Variants in CMKLR2 observed in about 807,000 individuals in gnomAD.
CMKLR2 encodes the protein chemerin-like receptor 2.
A neutral mutation model predicts 23.0 loss-of-function variants in CMKLR2; 18 were observed. That is an observed-to-expected ratio of 0.78 (90% CI 0.54 to 1.16). The LOEUF is 1.16. Among genes scored for constraint, CMKLR2 ranks in the 50% most tolerant of loss-of-function variants. CMKLR2 has a pLI of 0.00. For missense variants in CMKLR2, 401 were observed against 412.7 expected, an observed-to-expected ratio of 0.97 and a Z score of 0.25; for synonymous variants, 158 against 158.9, an observed-to-expected ratio of 0.99 and a Z score of 0.05.
chr2:206,209,297 C>A (rs1024800974), intron 1 of CMKLR2, among the ~76,000 whole-genome samples: 3 of 151,744 alleles, frequency 2.0e-5, no homozygotes, highest in African/African-American at 7.3e-5. Context: ...GAGATCGCAG[C>A]CACTGCACTT....
intron 1 of CMKLR2, among the ~76,000 whole-genome samples, chr2:206,188,291 A>G (rs2105811348): frequency 6.6e-6 from 1 of 152,306 alleles, no homozygotes; most frequent in East Asian, 1.9e-4. Flanking sequence ...ACGCAGGATC[A>G]AGTGGTCTTG....
chr2:206,185,686 G>C (rs1266347954), intron 1 of CMKLR2, among the ~76,000 whole-genome samples: 1 of 152,212 alleles, frequency 6.6e-6, no homozygotes, highest in Non-Finnish European at 1.5e-5. Flanking sequence ...GGGCAGACCA[G>C]ATAGAAAATT....
chr2:206,210,243 CCT>C (rs2105843040), intron 1 of CMKLR2, among the ~76,000 whole-genome samples: 1 of 152,114 alleles, frequency 6.6e-6, no homozygotes, highest in East Asian at 1.9e-4. Flanking sequence ...CATGCCTGGC[CCT>C]GTGTTTCGTT....
rs1053337525 is a variant in CMKLR2, at chr2:206,207,820, G to A, written c.-29+5487C>T. ...TACAATGGCGTGTTCTCGGCTCACC[G>A]CAACCTCTGGCTCCTGGGTTCCAGC... is the stretch of plus-strand genomic sequence containing the variant. On this transcript the variant is annotated intron_variant, in intron 1 of 1. Transcript: ENST00000621141. Among the ~76,000 whole-genome samples the A allele has an allele frequency of 4.8e-4, 66 of 136,350 alleles. 1 individual carries two copies. Among genetic ancestry groups the A allele is most frequent in the African/African-American group, 1.4e-3 (50 of 36,080 alleles). 89.5% of individuals were successfully genotyped at this position (136,350 alleles called of 152,430 possible).
chr2:206,209,966 C>A (rs1158814768), intron 1 of CMKLR2, among the ~76,000 whole-genome samples: 1 of 133,320 alleles, frequency 7.5e-6, no homozygotes, highest in Non-Finnish European at 1.6e-5. Flanking sequence ...TCTTTTCTTT[C>A]TTTTTTTTTT....
chr2:206,209,047 C>G (rs754439565), intron 1 of CMKLR2, among the ~76,000 whole-genome samples: 5 of 152,050 alleles, frequency 3.3e-5, no homozygotes, highest in Non-Finnish European at 5.9e-5. Context: ...CAAAAATGGT[C>G]AAGGTCACAG....
At chr2:206,216,817 G>A (rs1689768951), upstream of CMKLR2, among the ~76,000 whole-genome samples, 1 of 152,188 alleles carries the variant, frequency 6.6e-6, no homozygotes, top group South Asian at 2.1e-4. Context: ...CTTTAATAGT[G>A]AGAAAGGTTT....
intron 1 of CMKLR2, among the ~76,000 whole-genome samples, chr2:206,195,493 A>T (rs1028117695): frequency 6.6e-6 from 1 of 152,180 alleles, no homozygotes; most frequent in Admixed American, 6.5e-5. Context: ...CACAGCCTGG[A>T]TGCTGCTGGC....
At chr2:206,191,308 G>T (rs1688739186) in intron 1 of CMKLR2, among the ~76,000 whole-genome samples, 1 of 152,184 alleles carries the variant, frequency 6.6e-6, no homozygotes, top group Non-Finnish European at 1.5e-5. Flanking sequence ...GGCACACAAA[G>T]CATGCTCGAT....
chr2:206,188,965 A>G (rs553912286), intron 1 of CMKLR2, among the ~76,000 whole-genome samples: 3 of 152,348 alleles, frequency 2.0e-5, no homozygotes, highest in African/African-American at 2.4e-5. Flanking sequence ...AAACTTTAAA[A>G]TGTGGCTTTA....
chr2:206,181,739 G>A (rs574467615), intron 1 of CMKLR2, among the ~76,000 whole-genome samples: 2 of 152,170 alleles, frequency 1.3e-5, no homozygotes, highest in African/African-American at 4.8e-5. Context: ...AATCATCTAA[G>A]GTCAGGAATT....
At chr2:206,177,395 T>C in intron 1 of CMKLR2, 120 bp from the exon 2 acceptor site, 1 of 591,240 alleles carries the variant, frequency 1.7e-6, no homozygotes. Flanking sequence ...AGTATTATTT[T>C]TTCTTTTTTT....
At chr2:206,200,528 A>G (rs1460560522) in intron 1 of CMKLR2, among the ~76,000 whole-genome samples, 1 of 152,248 alleles carries the variant, frequency 6.6e-6, no homozygotes, top group African/African-American at 2.4e-5. Context: ...AGCCAAGTAC[A>G]TCTCCAGGTA....
At chr2:206,212,466 C>T (rs2105846487) in intron 1 of CMKLR2, among the ~76,000 whole-genome samples, 1 of 151,654 alleles carries the variant, frequency 6.6e-6, no homozygotes, top group Middle Eastern at 3.5e-3. Context: ...GTGAATGAGT[C>T]TGCCTTAAGT....
rs142346667 is a variant in CMKLR2, at chr2:206,187,799, T to A, written c.-28-10524A>T. 3.4e-3 allele frequency among the ~76,000 whole-genome samples: 514 copies of A among 152,228 alleles called. 3 individuals are homozygous for A. Among genetic ancestry groups the A allele is most frequent in the Non-Finnish European group, 5.4e-3 (364 of 68,014 alleles). The stretch of plus-strand genomic sequence containing the variant: ...TTGAGAGATGATGGGAGGATGTGAA[T>A]GAAGGATCAGAGGTGAATAGGAGGG... On this transcript the variant is annotated intron_variant, in intron 1 of 1. Coordinates refer to ENST00000621141, the MANE Select transcript of CMKLR2 (RefSeq NM_001389445.1).
intron 1 of CMKLR2, among the ~76,000 whole-genome samples, chr2:206,184,906 G>A (rs535175559): frequency 1.1e-4 from 16 of 152,142 alleles, no homozygotes; most frequent in South Asian, 6.2e-4. Context: ...AAATTACATT[G>A]TATATTAAAA....
At chr2:206,214,370 C>T (rs529134937), upstream of CMKLR2, among the ~76,000 whole-genome samples, 401 of 151,980 alleles carry the variant, frequency 2.6e-3, 1 homozygote, top group Non-Finnish European at 3.5e-3. Flanking sequence ...GACGGGGTTT[C>T]ACCACATTGG....
chr2:206,181,751 G>A (rs1364512128), intron 1 of CMKLR2, among the ~76,000 whole-genome samples: 2 of 151,984 alleles, frequency 1.3e-5, no homozygotes, highest in Non-Finnish European at 2.9e-5. Context: ...TCAGGAATTC[G>A]AGACCAGCCT....
intron 1 of CMKLR2, among the ~76,000 whole-genome samples, chr2:206,207,879 A>C (rs530927795): frequency 9.0e-4 from 137 of 151,626 alleles, no homozygotes; most frequent in Non-Finnish European, 1.5e-4. Context: ...AGTAGCTGAG[A>C]TTACAGGCAT....
Sources: allele counts gnomAD v4.1 joint callset (sites outside exome capture counted in the v4.1 genomes callset), GRCh38; gene constraint gnomAD v4.1.1; transcripts MANE v1.5; gene names NCBI Gene and HGNC (gene_info 2026-07-23, HGNC 2026-07-21).